SPMIP2: variants seen among roughly 807,000 people sequenced by gnomAD.
The protein encoded by SPMIP2 is protein SPMIP2.
chr4:159,021,192 CTT>C, the SPMIP2 span, among the ~76,000 whole-genome samples: 1 of 152,220 alleles, frequency 6.6e-6, no homozygotes, highest in East Asian at 1.9e-4. Context: ...GATAATCTGA[CTT>C]AATTAAAAGC....
At chr4:158,893,986 T>C in the SPMIP2 span, among the ~76,000 whole-genome samples, 7 of 152,032 alleles carry the variant, frequency 4.6e-5, no homozygotes, top group Non-Finnish European at 1.5e-5. Context: ...AAAAAATCAC[T>C]TGAATGAAAC....
chr4:159,005,773 AT>A, the SPMIP2 span, among the ~76,000 whole-genome samples: 10 of 151,648 alleles, frequency 6.6e-5, no homozygotes, highest in Admixed American at 1.3e-4. Context: ...ACCTGTTTTA[AT>A]TTTTTTTTAA....
the SPMIP2 span, among the ~76,000 whole-genome samples, chr4:159,037,783 T>C: frequency 0.017 from 1,645 of 97,578 alleles, 15 homozygotes; most frequent in African/African-American, 0.043. Flanking sequence ...AAAAACAATA[T>C]ATACACACAC....
chr4:159,007,150 C>T, the SPMIP2 span: 411 of 787,836 alleles, frequency 5.2e-4, 2 homozygotes, highest in East Asian at 0.011. Context: ...GCGCCTGAGA[C>T]GGGAGGCCTG....
the SPMIP2 span, among the ~76,000 whole-genome samples, chr4:158,948,765 C>T: frequency 6.6e-6 from 1 of 151,892 alleles, no homozygotes; most frequent in Admixed American, 6.6e-5. Flanking sequence ...CCACCATGCC[C>T]AGCTAATTTT....
the SPMIP2 span, among the ~76,000 whole-genome samples, chr4:158,944,538 A>G: frequency 6.6e-6 from 1 of 152,032 alleles, no homozygotes; most frequent in Non-Finnish European, 1.5e-5. Flanking sequence ...ACAACCTAAA[A>G]ATGATGGCAG....
chr4:158,920,668 ATTGT>A, the SPMIP2 span, among the ~76,000 whole-genome samples: 2 of 152,178 alleles, frequency 1.3e-5, no homozygotes, highest in African/African-American at 2.4e-5. Flanking sequence ...CCTGTTTTCT[ATTGT>A]TTAAGATGTT....
chr4:158,996,908 G>A, the SPMIP2 span, among the ~76,000 whole-genome samples: 1 of 152,184 alleles, frequency 6.6e-6, no homozygotes, highest in African/African-American at 2.4e-5. Flanking sequence ...GAATTTCGAT[G>A]ACTGGCTTGG....
the SPMIP2 span, among the ~76,000 whole-genome samples, chr4:158,995,624 C>A: frequency 6.6e-6 from 1 of 151,888 alleles, no homozygotes; most frequent in African/African-American, 2.4e-5. Context: ...TTTGGGAGGC[C>A]GAGGCAGGTG....
At chr4:159,033,601 T>C in the SPMIP2 span, among the ~76,000 whole-genome samples, 1 of 152,082 alleles carries the variant, frequency 6.6e-6, no homozygotes, top group Non-Finnish European at 1.5e-5. Context: ...TGGAAATGAA[T>C]AGAGTTTATA....
At chr4:159,068,945 G>A in the SPMIP2 span, among the ~76,000 whole-genome samples, 1 of 152,108 alleles carries the variant, frequency 6.6e-6, no homozygotes, top group Non-Finnish European at 1.5e-5. Context: ...CAACATCTCT[G>A]AGCACATCTT....
At chr4:158,915,556 TCCAAAGAACCACCC>T in the SPMIP2 span, among the ~76,000 whole-genome samples, 3 of 152,168 alleles carry the variant, frequency 2.0e-5, no homozygotes, top group Admixed American at 2.0e-4. Context: ...CTGCTAGAGA[TCCAAAGAACCACCC>T]CCAAGATGGA....
chr4:158,999,185 C>A, the SPMIP2 span, among the ~76,000 whole-genome samples: 1,689 of 144,550 alleles, frequency 0.012, 26 homozygotes, highest in African/African-American at 0.04. Context: ...AAAAAAACAA[C>A]AAAAAAAAAC....
chr4:159,027,941 C>T, the SPMIP2 span, among the ~76,000 whole-genome samples: 3 of 152,202 alleles, frequency 2.0e-5, no homozygotes, highest in Non-Finnish European at 4.4e-5. Context: ...GCTGTGATCA[C>T]TCCTTTGTAA....
chr4:158,972,457 A>G, the SPMIP2 span, among the ~76,000 whole-genome samples: 1 of 152,216 alleles, frequency 6.6e-6, no homozygotes, highest in Non-Finnish European at 1.5e-5. Context: ...TGATACATTT[A>G]ATTTTCAGAC....
chr4:158,919,293 C>T, the SPMIP2 span, among the ~76,000 whole-genome samples: 1 of 152,212 alleles, frequency 6.6e-6, no homozygotes, highest in African/African-American at 2.4e-5. Context: ...CCCAATAACA[C>T]CCATTTTGCA....
the SPMIP2 span, among the ~76,000 whole-genome samples, chr4:158,901,027 G>A: frequency 6.6e-6 from 1 of 151,936 alleles, no homozygotes; most frequent in Admixed American, 6.5e-5. Flanking sequence ...AGGCAGGCCT[G>A]GTGGTGACAG....
At chr4:158,914,213 C>T in the SPMIP2 span, among the ~76,000 whole-genome samples, 1 of 152,200 alleles carries the variant, frequency 6.6e-6, no homozygotes, top group Non-Finnish European at 1.5e-5. Flanking sequence ...TAAATCATTT[C>T]ACTTGGACCC....
At chr4:158,981,771 A>G in the SPMIP2 span, among the ~76,000 whole-genome samples, 3 of 141,682 alleles carry the variant, frequency 2.1e-5, no homozygotes, top group Non-Finnish European at 4.5e-5. Flanking sequence ...TGTAAAGACC[A>G]TCAACACTAT....
Sources: gnomAD v4.1 joint callset for allele counts (sites outside exome capture counted in the v4.1 genomes callset) on GRCh38, gnomAD v4.1.1 for gene constraint, MANE v1.5 for transcripts, NCBI Gene and HGNC (gene_info 2026-07-23, HGNC 2026-07-21) for gene names.